The following LYRM4 variants were observed in gnomAD, a reference collection of about 807,000 sequenced individuals.
LYRM4 encodes the protein LYR motif containing 4, also known as LYR motif-containing protein 4.
A neutral mutation model predicts 11.7 loss-of-function variants in LYRM4; 9 were observed. The ratio of observed to expected loss-of-function variants is 0.77; its 90% confidence interval spans 0.46 to 1.34. The LOEUF is 1.34. Ranked by LOEUF, LYRM4 falls within the 40% of genes most tolerant of loss-of-function variation. LYRM4 has a pLI of 0.00. For synonymous variants in LYRM4, 42 were observed against 40.4 expected, an observed-to-expected ratio of 1.04 and a Z score of -0.15; for missense variants, 133 against 112.5, an observed-to-expected ratio of 1.18 and a Z score of -0.82.
downstream of LYRM4, among the ~76,000 whole-genome samples, chr6:5,100,986 G>A (rs756864357): frequency 2.6e-5 from 4 of 151,980 alleles, no homozygotes; most frequent in Admixed American, 1.3e-4. Flanking sequence ...GTCCCCTTAC[G>A]TCTCCGTGCC....
chr6:5,089,892 A>G, the LYRM4 span, among the ~76,000 whole-genome samples: 1 of 152,234 alleles, frequency 6.6e-6, no homozygotes. Context: ...AATAGCAAAC[A>G]TTATGCAGTG....
At chr6:5,128,602 C>CA (rs1208230086) in intron 2 of LYRM4, among the ~76,000 whole-genome samples, 13 of 152,212 alleles carry the variant, frequency 8.5e-5, no homozygotes, top group African/African-American at 2.9e-4. Context: ...AAGTGACAGT[C>CA]ACAAATACGT....
At chr6:5,097,503 C>G in the LYRM4 span, among the ~76,000 whole-genome samples, 2 of 152,152 alleles carry the variant, frequency 1.3e-5, no homozygotes, top group Non-Finnish European at 2.9e-5. Context: ...CATGAGCCAC[C>G]GCACCTGGAT....
chr6:5,046,213 C>G, the LYRM4 span, among the ~76,000 whole-genome samples: 1 of 151,954 alleles, frequency 6.6e-6, no homozygotes, highest in Non-Finnish European at 1.5e-5. Flanking sequence ...GTGGTGCAAT[C>G]TCAGCTCACT....
the LYRM4 span, chr6:5,089,485 A>G: frequency 6.6e-6 from 1 of 152,242 alleles, no homozygotes; most frequent in Admixed American, 6.5e-5. Context: ...TGATTCAAAC[A>G]GAGATCTTTG....
chr6:5,032,537 T>G, the LYRM4 span: 7 of 152,232 alleles, frequency 4.6e-5, no homozygotes, highest in Non-Finnish European at 7.3e-5. Flanking sequence ...ACACAGTATC[T>G]TAGTACATGG....
chr6:5,082,232 G>C, the LYRM4 span, among the ~76,000 whole-genome samples: 1 of 152,282 alleles, frequency 6.6e-6, no homozygotes, highest in East Asian at 1.9e-4. Context: ...CGTCTTGTGG[G>C]ACTGAGCCTC....
At chr6:5,246,653 G>C (rs1268410622) in intron 1 of LYRM4, among the ~76,000 whole-genome samples, 1 of 152,142 alleles carries the variant, frequency 6.6e-6, no homozygotes. Context: ...TGAAGTGGAG[G>C]GAGTGGGCCT....
intron 2 of LYRM4, among the ~76,000 whole-genome samples, chr6:5,154,072 A>T (rs1758245211): frequency 6.6e-6 from 1 of 152,196 alleles, no homozygotes; most frequent in Admixed American, 6.5e-5. Context: ...GAGTCAACCA[A>T]GAAAAAAACC....
chr6:5,148,926 T>C (rs939187106), intron 2 of LYRM4, among the ~76,000 whole-genome samples: 3 of 152,248 alleles, frequency 2.0e-5, no homozygotes, highest in African/African-American at 4.8e-5. Context: ...TTTCATTTCT[T>C]AATCGTCTAG....
the LYRM4 span, chr6:5,032,897 C>A: frequency 6.5e-6 from 1 of 152,878 alleles, no homozygotes; most frequent in Non-Finnish European, 1.5e-5. Flanking sequence ...TCCCTCCACA[C>A]CCTCCTGCTT....
At chr6:5,101,713 C>CT (rs1421194958), downstream of LYRM4, among the ~76,000 whole-genome samples, 1 of 152,108 alleles carries the variant, frequency 6.6e-6, no homozygotes, top group Non-Finnish European at 1.5e-5. Flanking sequence ...GTTAGAGTCC[C>CT]TCGTACATGA....
chr6:5,187,437 A>T (rs769055907), intron 2 of LYRM4, among the ~76,000 whole-genome samples: 38 of 152,370 alleles, frequency 2.5e-4, no homozygotes, highest in Non-Finnish European at 3.8e-4. Context: ...AGATTACAGC[A>T]TGTCCACACT....
At chr6:5,158,717 T>C (rs1758565328) in intron 2 of LYRM4, among the ~76,000 whole-genome samples, 1 of 152,158 alleles carries the variant, frequency 6.6e-6, no homozygotes, top group Admixed American at 6.5e-5. Flanking sequence ...AAGCAATCCT[T>C]CCACCTTGGC....
At chr6:5,159,364 G>C (rs1473514659) in intron 2 of LYRM4, among the ~76,000 whole-genome samples, 1 of 152,208 alleles carries the variant, frequency 6.6e-6, no homozygotes, top group African/African-American at 2.4e-5. Context: ...AGCCAGGAGA[G>C]AGGGGTGTTT....
At chr6:5,259,230 C>A (rs1764827450) in intron 1 of LYRM4, among the ~76,000 whole-genome samples, 1 of 152,190 alleles carries the variant, frequency 6.6e-6, no homozygotes, top group Non-Finnish European at 1.5e-5. Flanking sequence ...CTATTTTACT[C>A]CAGACTATGG....
intron 2 of LYRM4, among the ~76,000 whole-genome samples, chr6:5,193,201 T>C (rs1326179725): frequency 6.6e-6 from 1 of 151,956 alleles, no homozygotes; most frequent in East Asian, 1.9e-4. Flanking sequence ...AAACAACCCT[T>C]GGGGTTACAG....
chr6:5,243,929 G>C (rs1764025105), intron 1 of LYRM4, among the ~76,000 whole-genome samples: 1 of 152,200 alleles, frequency 6.6e-6, no homozygotes, highest in Non-Finnish European at 1.5e-5. Flanking sequence ...AATCTGAGAT[G>C]TCTCAATATC....
chr6:5,245,114 ATATATATATATATATATATATATAT>A lies in LYRM4; in HGVS notation c.86+15509_86+15533del, dbSNP rs1451041710. Among the ~76,000 whole-genome samples, 45 of 12,038 alleles carry A rather than the reference ATATATATATATATATATATATATAT, an allele frequency of 3.7e-3. 2 individuals carry two copies. The highest frequency in any genetic ancestry group is 0.021 in the East Asian group (6 of 286). The allele number at this position is 12,038 out of a possible 152,430, so 7.9% of individuals were successfully genotyped here. A position where few individuals can be genotyped will look rare whatever the true frequency, so the allele number is the denominator to read the frequency against. The stretch of plus-strand genomic sequence containing the variant: ...TAAAAAAAAAAAAAAAAAAAAAAAA[ATATATATATATATATATATATATAT>A]ATATATATATATATATATATATATA... On this transcript the variant is annotated intron_variant, in intron 1 of 2. Coordinates refer to ENST00000330636, the MANE Select transcript of LYRM4 (RefSeq NM_020408.6).
Sources: gnomAD v4.1 joint callset for allele counts (sites outside exome capture counted in the v4.1 genomes callset) on GRCh38, gnomAD v4.1.1 for gene constraint, MANE v1.5 for transcripts, NCBI Gene and HGNC (gene_info 2026-07-23, HGNC 2026-07-21) for gene names.